The following ZNF605 variants were observed in gnomAD, a reference collection of about 807,000 sequenced individuals.
The protein encoded by ZNF605 is zinc finger protein 605.
A neutral mutation model predicts 7.9 loss-of-function variants in ZNF605; 9 were observed. The ratio of observed to expected loss-of-function variants is 1.14; its 90% CI spans 0.68 to 1.98. The LOEUF (loss-of-function observed/expected upper bound fraction) is 1.98, where lower values mean the gene tolerates loss of function less well. Among genes scored for constraint, ZNF605 ranks in the 30% most tolerant of loss-of-function variants. The probability of loss-of-function intolerance (pLI) is 0.00; values close to 1 mark genes in which losing one functional copy is unlikely to be tolerated. For synonymous variants in ZNF605, 255 were observed against 260.1 expected, an observed-to-expected ratio of 0.98 and a Z score of 0.19; for missense variants, 673 against 762.4, an observed-to-expected ratio of 0.88 and a Z score of 1.38.
rs1257958037 is a variant in ZNF605, at chr12:132,921,700, A to C, written c.*3673T>G. On this transcript the variant is annotated 3_prime_UTR_variant, in exon 5 of 5. Transcript: ENST00000360187. ...AGAAAACATGTATAAAAATCTTCGA[A>C]ATGCAGGTTAAAATGCAAATCCAAG... 1 of 152,250 alleles carries C rather than the reference A, an allele frequency of 6.6e-6. No individual in the cohort carries two copies. The highest frequency in any genetic ancestry group is 6.5e-5 in the Admixed American group (1 of 15,290). The allele number at this position is 152,250 out of a possible 1,614,324, so 9.4% of individuals were successfully genotyped here. A position where few individuals can be genotyped will look rare whatever the true frequency, so the allele number is the denominator to read the frequency against.
chr12:132,925,346 T>C lies in ZNF605; in HGVS notation c.*27A>G. 1 of 1,515,942 alleles carries C rather than the reference T, an allele frequency of 6.6e-7. No individual in the cohort carries two copies. Among genetic ancestry groups the C allele is most frequent in the South Asian group, 1.3e-5 (1 of 77,744 alleles). The allele number at this position is 1,515,942 out of a possible 1,614,324, so 93.9% of individuals were successfully genotyped here. On this transcript the variant is annotated 3_prime_UTR_variant, in exon 5 of 5. Transcript: ENST00000360187. The stretch of plus-strand genomic sequence containing the variant: ...GAAAGTATGACACTTGATAGCAACC[T>C]TTCTGCATTCGCCAAAGTCATGATT...
intron 4 of ZNF605, 52 bp from the exon 5 acceptor site, chr12:132,927,214 C>CAA: frequency 1.5e-6 from 2 of 1,337,396 alleles, no homozygotes; most frequent in Non-Finnish European, 9.9e-7. Flanking sequence ...AATTATTATG[C>CAA]TTATTGCATA....
rs557467860 is a variant in ZNF605, at chr12:132,920,494, G to A, written c.*4879C>T. 24 of 152,264 alleles carry A rather than the reference G, an allele frequency of 1.6e-4. No individual in the cohort carries two copies. Among genetic ancestry groups the A allele is most frequent in the Non-Finnish European group, 3.2e-4 (22 of 68,024 alleles). The allele number at this position is 152,264 out of a possible 1,614,324, so 9.4% of individuals were successfully genotyped here. A position where few individuals can be genotyped will look rare whatever the true frequency, so the allele number is the denominator to read the frequency against. On this transcript the variant is annotated 3_prime_UTR_variant, in exon 5 of 5. Transcript: ENST00000360187. ...ATGTTAAATGACCCGGATACAATGA[G>A]TAATAATTGTGTTCTAAGTTGCAAA...
chr12:132,946,417 G>C (rs1952494726), intron 2 of ZNF605, among the ~76,000 whole-genome samples: 1 of 152,352 alleles, frequency 6.6e-6, no homozygotes, highest in East Asian at 1.9e-4. Flanking sequence ...AGGCTGAGCA[G>C]GGCCTGGCTG....
At chr12:132,938,502 T>C (rs975191774) in intron 3 of ZNF605, among the ~76,000 whole-genome samples, 30 of 151,990 alleles carry the variant, frequency 2.0e-4, no homozygotes, top group African/African-American at 7.2e-4. Flanking sequence ...GGTTTCTACA[T>C]GTTGGTCAGG....
At position 132,954,511 on chromosome 12, in the gene ZNF605, A is replaced by G. The variant is rs1363092932; in HGVS notation, c.-286+1732T>C. Reference sequence around the variant, plus strand: ...TCCTGGGACGAACACACTGGTCTCCATTCACTCACTTCATCAGGTGCCCAA... The same window carrying G: ...TCCTGGGACGAACACACTGGTCTCCGTTCACTCACTTCATCAGGTGCCCAA... On this transcript the variant is annotated intron_variant, in intron 1 of 4. Transcript: ENST00000360187. 4.7e-5 allele frequency among the ~76,000 whole-genome samples: 4 copies of G among 85,044 alleles called. No homozygotes were observed. In the East Asian group the frequency reaches 1.2e-3, roughly 26 times the overall value. The allele number at this position is 85,044 out of a possible 152,430, so 55.8% of individuals were successfully genotyped here.
intron 2 of ZNF605, among the ~76,000 whole-genome samples, chr12:132,947,562 C>T (rs1952507403): frequency 6.6e-6 from 1 of 152,140 alleles, no homozygotes; most frequent in Non-Finnish European, 1.5e-5. Context: ...ATCCACTGGC[C>T]TTGGCCTTCC....
intron 3 of ZNF605, chr12:132,945,238 A>T: frequency 1.6e-6 from 1 of 644,876 alleles, no homozygotes; most frequent in Non-Finnish European, 2.7e-6. Flanking sequence ...GGCTGGGATT[A>T]CAGGCATGAG....
intron 3 of ZNF605, among the ~76,000 whole-genome samples, chr12:132,939,099 C>T (rs113097610): frequency 0.14 from 20,554 of 151,356 alleles, 1,815 homozygotes; most frequent in Non-Finnish European, 0.19. Context: ...TGCTCCACGG[C>T]GCCCAGTCCC....
intron 3 of ZNF605, among the ~76,000 whole-genome samples, chr12:132,936,347 G>A (rs1261584097): frequency 6.6e-6 from 1 of 152,110 alleles, no homozygotes; most frequent in Admixed American, 6.6e-5. Context: ...TTGGAAGATA[G>A]ACCAGAAGAA....
At chr12:132,951,317 C>T (rs1356951318) in intron 1 of ZNF605, among the ~76,000 whole-genome samples, 1 of 151,654 alleles carries the variant, frequency 6.6e-6, no homozygotes, top group East Asian at 1.9e-4. Flanking sequence ...CATGCACACA[C>T]TGATACACAC....
intron 1 of ZNF605, among the ~76,000 whole-genome samples, chr12:132,950,768 TCACAGACATGTACA>T (rs1952551198): frequency 1.4e-5 from 2 of 144,930 alleles, no homozygotes; most frequent in Non-Finnish European, 3.0e-5. Flanking sequence ...CACACGTACA[TCACAGACATGTACA>T]CACAGACACA....
intron 4 of ZNF605, among the ~76,000 whole-genome samples, chr12:132,929,984 G>T (rs1952290989): frequency 6.6e-6 from 1 of 152,168 alleles, no homozygotes; most frequent in South Asian, 2.1e-4. Flanking sequence ...CAAATTAATG[G>T]ATTAAATGAT....
intron 3 of ZNF605, among the ~76,000 whole-genome samples, chr12:132,935,631 G>T (rs1163773541): frequency 6.6e-6 from 1 of 152,046 alleles, no homozygotes; most frequent in African/African-American, 2.4e-5. Context: ...GGTGGCTCAC[G>T]CCTGTAACCC....
intron 3 of ZNF605, chr12:132,945,126 G>C: frequency 2.5e-6 from 1 of 392,236 alleles, no homozygotes; most frequent in Non-Finnish European, 4.7e-6. Flanking sequence ...TAGCTGGGAG[G>C]CTAATTTTTG....
chr12:132,954,769 T>G (rs1189933013), intron 1 of ZNF605, among the ~76,000 whole-genome samples: 1 of 151,884 alleles, frequency 6.6e-6, no homozygotes, highest in East Asian at 1.9e-4. Flanking sequence ...ATTGTGGGGC[T>G]CTGCACAAAT....
chr12:132,954,935 AC>A (rs1408283527), intron 1 of ZNF605, among the ~76,000 whole-genome samples: 1 of 152,010 alleles, frequency 6.6e-6, no homozygotes, highest in Non-Finnish European at 1.5e-5. Context: ...ATCCCCAAAC[AC>A]AAGCACAGAA....
intron 3 of ZNF605, among the ~76,000 whole-genome samples, chr12:132,936,491 A>T (rs1428055004): frequency 6.6e-6 from 1 of 152,226 alleles, no homozygotes; most frequent in Non-Finnish European, 1.5e-5. Context: ...AAGACTTCCT[A>T]TGCAACCACA....
intron 3 of ZNF605, among the ~76,000 whole-genome samples, chr12:132,935,801 G>A (rs1377150680): frequency 6.6e-6 from 1 of 151,360 alleles, no homozygotes; most frequent in Non-Finnish European, 1.5e-5. Context: ...GCTGAGGCAG[G>A]AGAATGGCGT....
Sources: gnomAD v4.1 joint callset for allele counts (sites outside exome capture counted in the v4.1 genomes callset) on GRCh38, gnomAD v4.1.1 for gene constraint, MANE v1.5 for transcripts, NCBI Gene and HGNC (gene_info 2026-07-23, HGNC 2026-07-21) for gene names.